HDLBP: variants seen among roughly 807,000 people sequenced by gnomAD.
HDLBP encodes high density lipoprotein binding protein.
Under a neutral mutation model 137.3 loss-of-function variants are expected in HDLBP, and 30 were observed. The ratio of observed to expected loss-of-function variants is 0.22; its 90% confidence interval spans 0.16 to 0.30. The LOEUF (loss-of-function observed/expected upper bound fraction) is 0.30. HDLBP is among the 10% of genes least tolerant of loss of function. The pLI is 1.00. For synonymous variants in HDLBP, 606 were observed against 596.0 expected (o/e 1.02, Z -0.24); for missense variants, 1,119 against 1,667.3 (o/e 0.67, Z 5.73).
At chr2:241,279,968 C>G (rs747595337) in intron 1 of HDLBP, 1 of 985,266 alleles carries the variant, frequency 1.0e-6, no homozygotes, top group African/African-American at 1.7e-5. Context: ...TGCAGTGGAG[C>G]CATGCTGAAG....
At chr2:241,231,018 A>G in intron 24 of HDLBP, 74 bp from the exon 25 acceptor site, 2 of 1,322,740 alleles carry the variant, frequency 1.5e-6, no homozygotes, top group Non-Finnish European at 1.1e-6. Context: ...GCCGGCCCCC[A>G]CTGCTGAGGA....
At position 241,235,062 on chromosome 2, in the gene HDLBP, CAT is replaced by C; in HGVS notation, c.3144+57_3144+58del. The C allele has an allele frequency of 3.2e-6, 5 of 1,584,616 alleles. No homozygotes were observed. The South Asian group carries it at 3.3e-5, about 11-fold the overall frequency. Reference sequence around the variant, plus strand: ...CCTGAAGAACTTCCCTAGATTCTGACATGTGCCCAAAGCTGAGCACCATGGCT... The same window carrying C: ...CCTGAAGAACTTCCCTAGATTCTGACGTGCCCAAAGCTGAGCACCATGGCT... On this transcript the variant is annotated intron_variant, in intron 23 of 27. Transcript: ENST00000310931.
chr2:241,252,503 A>G (rs576051035), intron 11 of HDLBP, among the ~76,000 whole-genome samples: 2 of 152,330 alleles, frequency 1.3e-5, no homozygotes, highest in Non-Finnish European at 2.9e-5. Context: ...CCCTGTCTCA[A>G]AAAAGTATCC....
intron 1 of HDLBP, among the ~76,000 whole-genome samples, chr2:241,279,152 TAAAG>T (rs918147994): frequency 1.3e-5 from 2 of 152,244 alleles, no homozygotes; most frequent in African/African-American, 4.8e-5. Flanking sequence ...CATGGTCATC[TAAAG>T]AAAGACTTAA....
At chr2:241,309,838 C>T (rs568436025) in intron 1 of HDLBP, among the ~76,000 whole-genome samples, 242 of 152,378 alleles carry the variant, frequency 1.6e-3, no homozygotes, top group Non-Finnish European at 3.1e-3. Context: ...TCTCTCCTCA[C>T]TTGGCCACTC....
chr2:241,261,647 C>A (rs1315579231), intron 5 of HDLBP, among the ~76,000 whole-genome samples: 1 of 152,170 alleles, frequency 6.6e-6, no homozygotes, highest in African/African-American at 2.4e-5. Context: ...ACTTTCAGAG[C>A]CTATTATGCA....
intron 12 of HDLBP, among the ~76,000 whole-genome samples, chr2:241,248,601 A>G (rs567991924): frequency 7.6e-4 from 116 of 152,314 alleles, no homozygotes; most frequent in Non-Finnish European, 1.4e-3. Flanking sequence ...ACAAAGTCCA[A>G]TTAAGGAACT....
chr2:241,292,979 A>T (rs1417670147), intron 1 of HDLBP, among the ~76,000 whole-genome samples: 1 of 151,782 alleles, frequency 6.6e-6, no homozygotes. Flanking sequence ...GGCTGCAGTG[A>T]GCTGTGCCAC....
At chr2:241,306,061 A>T (rs1425930282) in intron 1 of HDLBP, among the ~76,000 whole-genome samples, 1 of 150,652 alleles carries the variant, frequency 6.6e-6, no homozygotes. Context: ...CGCCCGGCCA[A>T]AAAGTTTTAA....
chr2:241,268,023 G>C (rs958517822), intron 2 of HDLBP: 52 of 926,854 alleles, frequency 5.6e-5, no homozygotes, highest in Non-Finnish European at 6.4e-5. Context: ...TTCCAGGTGA[G>C]CTCCAAACTA....
chr2:241,293,456 C>T (rs1422135332), intron 1 of HDLBP, among the ~76,000 whole-genome samples: 5 of 151,942 alleles, frequency 3.3e-5, no homozygotes, highest in Non-Finnish European at 7.4e-5. Flanking sequence ...TATAATCACG[C>T]TACTGCACTC....
At chr2:241,297,186 A>G (rs1431802420) in intron 1 of HDLBP, among the ~76,000 whole-genome samples, 3 of 152,218 alleles carry the variant, frequency 2.0e-5, no homozygotes, top group South Asian at 4.1e-4. Flanking sequence ...TCAGAGCCCA[A>G]GTGGAGTGAG....
At position 241,239,881 on chromosome 2, in the gene HDLBP, C is replaced by T. The variant is rs755476020; in HGVS notation, c.2391+20G>A. The stretch of plus-strand genomic sequence containing the variant: ...CCATCACGGCCCCAGCAGAGTCGGC[C>T]GCCGAGGCCCGCTCCCTACCAGGTT... On this transcript the variant is annotated intron_variant, in intron 18 of 27. Coordinates refer to ENST00000310931, the MANE Select transcript of HDLBP (RefSeq NM_005336.6). The surrounding 1 kb of genome is among the most constrained non-coding windows in gnomAD (Gnocchi z 4.6). 1.9e-6 allele frequency: 3 copies of T among 1,612,548 alleles called. No individual in the cohort carries two copies. Among genetic ancestry groups the T allele is most frequent in the Non-Finnish European group, 2.5e-6 (3 of 1,178,740 alleles).
chr2:241,302,717 T>C (rs955240725), intron 1 of HDLBP: 1 of 152,356 alleles, frequency 6.6e-6, no homozygotes, highest in Non-Finnish European at 1.5e-5. Context: ...CCTAAGGCTG[T>C]CTGTTGTGGC....
chr2:241,235,336 GT>G, intron 22 of HDLBP, 81 bp from the exon 23 acceptor site: 1 of 1,588,406 alleles, frequency 6.3e-7, no homozygotes, highest in Non-Finnish European at 8.6e-7. Context: ...CCCAGAAGTG[GT>G]GAGAGGGAAG....
intron 1 of HDLBP, among the ~76,000 whole-genome samples, chr2:241,294,927 C>T (rs551027079): frequency 6.6e-6 from 1 of 152,104 alleles, no homozygotes; most frequent in Admixed American, 6.6e-5. Flanking sequence ...ATGGTGAAAC[C>T]CCATCTCTAC....
At chr2:241,269,986 T>C (rs1449883158) in intron 1 of HDLBP, among the ~76,000 whole-genome samples, 1 of 152,126 alleles carries the variant, frequency 6.6e-6, no homozygotes, top group Non-Finnish European at 1.5e-5. Context: ...ACCCACCCCC[T>C]TATCAAGCTA....
chr2:241,231,159 CG>C, intron 24 of HDLBP: 2 of 490,548 alleles, frequency 4.1e-6, no homozygotes, highest in Non-Finnish European at 7.4e-6. Flanking sequence ...CCGAGGCAGG[CG>C]GATCACCTGA....
intron 20 of HDLBP, among the ~76,000 whole-genome samples, chr2:241,237,186 G>A (rs80272485): frequency 0.026 from 3,905 of 152,286 alleles, 407 homozygotes; most frequent in Admixed American, 0.18. Flanking sequence ...CAGGGAAGGC[G>A]GCCAGCACGC....
Sources: gnomAD v4.1 joint callset for allele counts (sites outside exome capture counted in the v4.1 genomes callset) on GRCh38, gnomAD v4.1.1 for gene constraint, Gnocchi (gnomAD v3.1) non-coding constraint, MANE v1.5 for transcripts, NCBI Gene and HGNC (gene_info 2026-07-23, HGNC 2026-07-21) for gene names.